Variants in GSE1 observed in about 807,000 individuals in gnomAD.
GSE1 encodes genetic suppressor element 1.
GSE1 carries 32 observed loss-of-function variants against 112.6 expected under a neutral mutation model. The ratio of observed to expected loss-of-function variants is 0.28; its 90% confidence interval spans 0.21 to 0.38. The LOEUF is 0.38. GSE1 is among the 10% of genes least tolerant of loss of function. The pLI is 1.00. For synonymous variants in GSE1, 1,115 were observed against 735.6 expected (o/e 1.52, Z -8.35); for missense variants, 2,348 against 1,699.2 (o/e 1.38, Z -6.71).
At chr16:85,527,492 C>G (rs2052401506) in intron 2 of GSE1, among the ~76,000 whole-genome samples, 1 of 152,274 alleles carries the variant, frequency 6.6e-6, no homozygotes, top group South Asian at 2.1e-4. Flanking sequence ...AGGCTCTTGA[C>G]CCTCTTCCCT....
intron 2 of GSE1, among the ~76,000 whole-genome samples, chr16:85,498,621 C>G (rs1380928982): frequency 6.6e-6 from 1 of 152,224 alleles, no homozygotes; most frequent in Non-Finnish European, 1.5e-5. Context: ...ATACCACACA[C>G]ATCCACACAT....
In GSE1 at chr16:85,580,947, G is replaced by A. The variant is rs375627044; in HGVS notation, c.37+24584G>A. ...AAATAAATTTCTGTGTTTAAGCCAC[G>A]AAGTCTGGGGTGTTTTGTTTGGTAG... On this transcript the variant is annotated intron_variant, in intron 1 of 2. Transcript: ENST00000635906. 1.5e-4 allele frequency among the ~76,000 whole-genome samples: 23 copies of A among 152,336 alleles called. No individual in the cohort carries two copies. The East Asian group carries it at 3.1e-3, about 20-fold the overall frequency.
upstream of GSE1, among the ~76,000 whole-genome samples, chr16:85,606,726 A>G (rs2047718325): frequency 6.6e-6 from 1 of 152,204 alleles, no homozygotes; most frequent in Admixed American, 6.5e-5. Flanking sequence ...CCAGGATTTC[A>G]GACACCTGGG....
chr16:85,656,020 C>A lies in GSE1; in HGVS notation c.989+103C>A, dbSNP rs1228246420. The stretch of plus-strand genomic sequence containing the variant: ...AACCTGACTGGACTCCTTGGCCATG[C>A]CTGTCCTCACAGTTTGTCCACCTGC... On this transcript the variant is annotated intron_variant, in intron 6 of 15. Transcript: ENST00000253458. 6 of 886,976 alleles carry A rather than the reference C, an allele frequency of 6.8e-6. 1 individual carries two copies. In the Admixed American group the frequency reaches 7.6e-5, roughly 11 times the overall value. The allele number at this position is 886,976 out of a possible 1,614,324, so 54.9% of individuals were successfully genotyped here.
chr16:85,661,049 C>T, intron 8 of GSE1, 97 bp from the exon 9 acceptor site: 1 of 1,187,866 alleles, frequency 8.4e-7, no homozygotes, highest in Non-Finnish European at 1.2e-6. Flanking sequence ...GGGGCTGCGC[C>T]ATCTGTGTCA....
intron 1 of GSE1, among the ~76,000 whole-genome samples, chr16:85,339,321 A>T (rs1344653367): frequency 1.3e-5 from 2 of 152,090 alleles, no homozygotes; most frequent in African/African-American, 4.8e-5. Flanking sequence ...TGGAAGGGGC[A>T]CATTTGTCTT....
intron 1 of GSE1, among the ~76,000 whole-genome samples, chr16:85,236,700 A>G (rs1231604495): frequency 6.6e-6 from 1 of 152,168 alleles, no homozygotes; most frequent in African/African-American, 2.4e-5. Context: ...GTTCCTGAGC[A>G]GGAGAGTGGC....
intron 14 of GSE1, among the ~76,000 whole-genome samples, chr16:85,668,778 C>A (rs1403758407): frequency 6.6e-6 from 1 of 152,226 alleles, no homozygotes; most frequent in Non-Finnish European, 1.5e-5. Context: ...TGAGCCCTGG[C>A]AGCTAGGCCT....
chr16:85,205,545 C>T (rs1012625171), intron 1 of GSE1, among the ~76,000 whole-genome samples: 12 of 152,210 alleles, frequency 7.9e-5, no homozygotes, highest in Non-Finnish European at 1.6e-4. Context: ...TTTGTGTCTT[C>T]ACTGCCTTAC....
intron 2 of GSE1, among the ~76,000 whole-genome samples, chr16:85,476,957 G>A (rs561353124): frequency 8.2e-6 from 1 of 121,480 alleles, no homozygotes. Context: ...CTGGGGTCTT[G>A]CTTTGTTGAC....
chr16:85,229,874 A>C (rs981416733), intron 1 of GSE1, among the ~76,000 whole-genome samples: 2 of 152,242 alleles, frequency 1.3e-5, no homozygotes, highest in Non-Finnish European at 2.9e-5. Context: ...ATCCAAAAGC[A>C]GGGTGAGAAG....
chr16:85,205,785 C>G (rs1415107896), intron 1 of GSE1, among the ~76,000 whole-genome samples: 1 of 152,206 alleles, frequency 6.6e-6, no homozygotes, highest in Non-Finnish European at 1.5e-5. Context: ...GAAATCCTCG[C>G]AGACTGGGAG....
At chr16:85,221,289 C>G (rs1597831442) in intron 1 of GSE1, among the ~76,000 whole-genome samples, 1 of 151,368 alleles carries the variant, frequency 6.6e-6, no homozygotes, top group Non-Finnish European at 1.5e-5. Context: ...AGGCTACTGG[C>G]CTGGTTCACA....
At position 85,265,420 on chromosome 16, in the gene GSE1, C is replaced by A. The variant is rs1376582496; in HGVS notation, c.2284-92043C>A. Among the ~76,000 whole-genome samples the A allele has an allele frequency of 2.6e-5, 4 of 152,262 alleles. No homozygotes were observed. The East Asian group carries it at 7.7e-4, about 29-fold the overall frequency. On this transcript the variant is annotated intron_variant, in intron 1 of 2. Transcript: ENST00000637419. Reference sequence around the variant, plus strand: ...CCTCCCCCTGTTGAGTCTCGACCGCCCCAGACCCGCGCTAATGCACCCTGT... The same window carrying A: ...CCTCCCCCTGTTGAGTCTCGACCGCACCAGACCCGCGCTAATGCACCCTGT...
intron 2 of GSE1, among the ~76,000 whole-genome samples, chr16:85,478,304 A>G (rs1018295381): frequency 7.2e-5 from 11 of 152,036 alleles, no homozygotes; most frequent in Non-Finnish European, 1.3e-4. Flanking sequence ...AGGCGGGCAG[A>G]TCACTTGAGA....
chr16:85,667,466 G>C (rs975400283), intron 13 of GSE1, among the ~76,000 whole-genome samples: 1 of 152,234 alleles, frequency 6.6e-6, no homozygotes. Context: ...GATTCCTGGG[G>C]GAGGGCAGAG....
chr16:85,352,208 A>AC (rs1257359919), intron 1 of GSE1, among the ~76,000 whole-genome samples: 1 of 152,100 alleles, frequency 6.6e-6, no homozygotes, highest in Non-Finnish European at 1.5e-5. Context: ...TCCAGAAAGC[A>AC]CTCCAGCTCC....
intron 2 of GSE1, among the ~76,000 whole-genome samples, chr16:85,535,064 C>G (rs2044277118): frequency 6.6e-6 from 1 of 152,146 alleles, no homozygotes; most frequent in Non-Finnish European, 1.5e-5. Flanking sequence ...ATGGTCTGAG[C>G]AGGGGACCCA....
chr16:85,275,837 G>T (rs915666767), intron 1 of GSE1, among the ~76,000 whole-genome samples: 10 of 152,368 alleles, frequency 6.6e-5, no homozygotes, highest in African/African-American at 2.4e-4. Context: ...TGGCTGGGAG[G>T]AGGGCTGGTG....
Sources: allele counts gnomAD v4.1 joint callset (sites outside exome capture counted in the v4.1 genomes callset), GRCh38; gene constraint gnomAD v4.1.1; transcripts MANE v1.5; gene names NCBI Gene and HGNC (gene_info 2026-07-23, HGNC 2026-07-21).